ADGRB3: variants seen among roughly 807,000 people sequenced by gnomAD.
The protein encoded by ADGRB3 is adhesion G protein-coupled receptor B3.
In ADGRB3, 37 loss-of-function variants were observed where a neutral mutation model predicts 193.4. The observed-to-expected ratio is 0.19, with a 90% confidence interval of 0.15 to 0.25. The LOEUF is 0.25. Ranked by LOEUF, ADGRB3 falls within the 10% of genes least tolerant of loss-of-function variation. The pLI, the probability that ADGRB3 is intolerant of heterozygous loss-of-function variation, is 1.00. For synonymous variants in ADGRB3, 690 were observed against 644.2 expected (o/e 1.07, Z -1.08); for missense variants, 1,637 against 1,852.9 (o/e 0.88, Z 2.14).
chr6:68,967,374 T>C (rs1768412936), intron 8 of ADGRB3, among the ~76,000 whole-genome samples: 2 of 152,220 alleles, frequency 1.3e-5, no homozygotes, highest in Non-Finnish European at 2.9e-5. Context: ...TTTAATCAGC[T>C]TCTTCCTGAA....
At chr6:69,191,888 A>G (rs1765195622) in intron 17 of ADGRB3, among the ~76,000 whole-genome samples, 1 of 152,188 alleles carries the variant, frequency 6.6e-6, no homozygotes, top group Admixed American at 6.5e-5. Flanking sequence ...GGGTGCAAGC[A>G]CTTCTGAAAC....
At chr6:68,891,673 C>A (rs1035059819) in intron 3 of ADGRB3, among the ~76,000 whole-genome samples, 1 of 152,060 alleles carries the variant, frequency 6.6e-6, no homozygotes, top group African/African-American at 2.4e-5. Flanking sequence ...ATGAGGAAAA[C>A]AAAACACTTA....
chr6:69,273,449 T>C (rs1375725496), intron 20 of ADGRB3, among the ~76,000 whole-genome samples: 1 of 152,204 alleles, frequency 6.6e-6, no homozygotes, highest in Non-Finnish European at 1.5e-5. Context: ...AAGTAGATTA[T>C]ATTATGGATC....
intron 20 of ADGRB3, among the ~76,000 whole-genome samples, chr6:69,240,376 C>T (rs1029308625): frequency 1.3e-5 from 2 of 152,076 alleles, no homozygotes; most frequent in Non-Finnish European, 2.9e-5. Context: ...ATAAAAATTA[C>T]TTTCGTGTCT....
At chr6:69,066,319 G>A (rs113187173) in intron 16 of ADGRB3, among the ~76,000 whole-genome samples, 89 of 150,184 alleles carry the variant, frequency 5.9e-4, no homozygotes, top group African/African-American at 2.0e-3. Flanking sequence ...AAAAATATCC[G>A]TTATACTTTC....
At chr6:68,763,992 G>A (rs904488502) in intron 3 of ADGRB3, among the ~76,000 whole-genome samples, 5 of 152,166 alleles carry the variant, frequency 3.3e-5, no homozygotes, top group Non-Finnish European at 5.9e-5. Context: ...AGGATCACTT[G>A]AGCCTGAGAG....
At chr6:69,382,129 A>G (rs2127238480) in intron 30 of ADGRB3, among the ~76,000 whole-genome samples, 1 of 152,032 alleles carries the variant, frequency 6.6e-6, no homozygotes, top group South Asian at 2.1e-4. Flanking sequence ...ACCAGGGATG[A>G]GGAGTATGAA....
chr6:68,789,563 C>T (rs1767056435), intron 3 of ADGRB3, among the ~76,000 whole-genome samples: 1 of 152,174 alleles, frequency 6.6e-6, no homozygotes, highest in African/African-American at 2.4e-5. Context: ...GGTAATCCGA[C>T]CTTTCTCTCT....
chr6:68,963,587 A>G (rs1768293114), intron 8 of ADGRB3, among the ~76,000 whole-genome samples: 1 of 152,178 alleles, frequency 6.6e-6, no homozygotes, highest in African/African-American at 2.4e-5. Flanking sequence ...GATAGAATCA[A>G]GCAGATGCAG....
intron 3 of ADGRB3, among the ~76,000 whole-genome samples, chr6:68,748,260 T>C (rs1766124369): frequency 6.6e-6 from 1 of 152,128 alleles, no homozygotes; most frequent in Non-Finnish European, 1.5e-5. Context: ...CATTTCAGCA[T>C]TAACCCAAAA....
chr6:68,922,791 C>A (rs776274261), intron 3 of ADGRB3, among the ~76,000 whole-genome samples: 1 of 152,112 alleles, frequency 6.6e-6, no homozygotes, highest in African/African-American at 2.4e-5. Context: ...TAACCTTCAT[C>A]CCAGTTAAAA....
chr6:68,956,960 G>C, intron 8 of ADGRB3, 151 bp downstream of exon 8: 1 of 829,102 alleles, frequency 1.2e-6, no homozygotes, highest in Non-Finnish European at 1.8e-6. Flanking sequence ...TACTATGTGG[G>C]GCATCCCCTG....
At chr6:69,003,752 G>C (rs545711890) in intron 11 of ADGRB3, among the ~76,000 whole-genome samples, 2 of 152,192 alleles carry the variant, frequency 1.3e-5, no homozygotes, top group South Asian at 4.1e-4. Flanking sequence ...GAAATATGAA[G>C]CAATAGATCT....
Position 69,349,991 on chromosome 6 carries a change from C to T in ADGRB3, c.3460-4242C>T, listed in dbSNP as rs138879983. ...ACTCTGGCACCAGCTTCCACAATGACGCGCTACCAGCTGCCTTCAGAGCGA... is the reference window on the plus strand; with the variant it reads ...ACTCTGGCACCAGCTTCCACAATGATGCGCTACCAGCTGCCTTCAGAGCGA... On this transcript the variant is annotated intron_variant, in intron 26 of 31. Coordinates refer to ENST00000370598, the MANE Select transcript of ADGRB3 (RefSeq NM_001704.3). 1.2e-3 allele frequency among the ~76,000 whole-genome samples: 184 copies of T among 152,294 alleles called. 1 individual carries two copies. The highest frequency in any genetic ancestry group is 4.0e-3 in the African/African-American group (166 of 41,556).
intron 7 of ADGRB3, 40 bp downstream of exon 7, chr6:68,956,228 T>C (rs1393178539): frequency 6.4e-7 from 1 of 1,551,154 alleles, no homozygotes; most frequent in African/African-American, 1.4e-5. Context: ...ACTCGTACCA[T>C]GTAAAGGGCA....
intron 3 of ADGRB3, among the ~76,000 whole-genome samples, chr6:68,723,276 T>C (rs1228626423): frequency 6.6e-6 from 1 of 151,782 alleles, no homozygotes; most frequent in African/African-American, 2.4e-5. Flanking sequence ...TCTATTTTTC[T>C]CAGGTCAGGT....
chr6:68,713,676 C>T (rs1445196284), intron 3 of ADGRB3, among the ~76,000 whole-genome samples: 2 of 151,374 alleles, frequency 1.3e-5, no homozygotes, highest in Non-Finnish European at 3.0e-5. Context: ...ATTGTAACCT[C>T]CCATCTAGTA....
chr6:68,733,540 T>A (rs1355537852), intron 3 of ADGRB3, among the ~76,000 whole-genome samples: 1 of 151,766 alleles, frequency 6.6e-6, no homozygotes, highest in Non-Finnish European at 1.5e-5. Context: ...ACTATATTCA[T>A]TCCTGGGGAA....
intron 3 of ADGRB3, among the ~76,000 whole-genome samples, chr6:68,775,786 T>A (rs1368633231): frequency 1.3e-5 from 2 of 152,178 alleles, no homozygotes; most frequent in Non-Finnish European, 2.9e-5. Flanking sequence ...CCTCTTCTCC[T>A]CCTTAATTCA....
Sources: gnomAD v4.1 joint callset for allele counts (sites outside exome capture counted in the v4.1 genomes callset) on GRCh38, gnomAD v4.1.1 for gene constraint, MANE v1.5 for transcripts, NCBI Gene and HGNC (gene_info 2026-07-23, HGNC 2026-07-21) for gene names.